Variants in FOCAD observed in about 807,000 individuals in gnomAD.
FOCAD encodes KIAA1797.
Under a neutral mutation model 225.6 loss-of-function variants are expected in FOCAD, and 198 were observed. That is an observed-to-expected ratio of 0.88 (90% CI 0.78 to 0.99). FOCAD has a LOEUF of 0.99. FOCAD is among the 50% of genes least tolerant of loss of function. FOCAD has a pLI of 0.00. For synonymous variants in FOCAD, 897 were observed against 755.0 expected (o/e 1.19, Z -3.08); for missense variants, 2,713 against 2,123.6 (o/e 1.28, Z -5.46).
intron 11 of FOCAD, among the ~76,000 whole-genome samples, chr9:20,795,320 T>C (rs1159422092): frequency 1.3e-5 from 2 of 152,232 alleles, no homozygotes; most frequent in African/African-American, 4.8e-5. Context: ...TTTTAGGAGC[T>C]AGTTCAGGTA....
intron 24 of FOCAD, among the ~76,000 whole-genome samples, chr9:20,920,406 G>A (rs1444415440): frequency 4.0e-5 from 5 of 125,298 alleles, no homozygotes; most frequent in African/African-American, 9.3e-5. Context: ...TCAGTGTGGC[G>A]ATTCCTCAGG....
chr9:20,893,742 G>T (rs1055452811), intron 21 of FOCAD, among the ~76,000 whole-genome samples: 18 of 152,000 alleles, frequency 1.2e-4, no homozygotes, highest in African/African-American at 4.3e-4. Context: ...CAGCAAAATT[G>T]AGAGCAATGT....
intron 11 of FOCAD, among the ~76,000 whole-genome samples, chr9:20,795,387 G>A (rs576007444): frequency 1.3e-5 from 2 of 152,250 alleles, no homozygotes; most frequent in African/African-American, 2.4e-5. Flanking sequence ...AGAAAGGCTC[G>A]TATTGAGTTT....
At chr9:20,898,186 T>G (rs562680679) in intron 21 of FOCAD, among the ~76,000 whole-genome samples, 2 of 151,894 alleles carry the variant, frequency 1.3e-5, no homozygotes, top group Non-Finnish European at 2.9e-5. Context: ...TTTTATGTAG[T>G]TTAAATACAA....
chr9:20,817,361 T>C (rs1456659185), intron 11 of FOCAD, among the ~76,000 whole-genome samples: 1 of 152,086 alleles, frequency 6.6e-6, no homozygotes, highest in Non-Finnish European at 1.5e-5. Flanking sequence ...TCACTGCCTG[T>C]TTCACCCTTC....
intron 1 of FOCAD, among the ~76,000 whole-genome samples, chr9:20,691,640 C>A (rs1822987013): frequency 6.6e-6 from 1 of 150,860 alleles, no homozygotes; most frequent in Non-Finnish European, 1.5e-5. Context: ...CGCCACCATG[C>A]CCAGATAATT....
chr9:20,989,642 G>A (rs1391244641), intron 41 of FOCAD, among the ~76,000 whole-genome samples: 1 of 152,122 alleles, frequency 6.6e-6, no homozygotes, highest in Admixed American at 6.5e-5. Context: ...AACATAGTGA[G>A]ACCCCATTTC....
intron 8 of FOCAD, among the ~76,000 whole-genome samples, chr9:20,770,686 A>G (rs995731735): frequency 6.6e-6 from 1 of 152,222 alleles, no homozygotes; most frequent in Admixed American, 6.5e-5. Context: ...TTATTGTGTC[A>G]GTTATCACTC....
At chr9:20,948,110 A>G (rs760018372) in intron 30 of FOCAD, among the ~76,000 whole-genome samples, 161 bp from the exon 31 acceptor site, 1 of 130,686 alleles carries the variant, frequency 7.7e-6, no homozygotes, top group Non-Finnish European at 1.8e-5. Context: ...AAAAAAAAAC[A>G]AAAAACAAAA....
intron 8 of FOCAD, among the ~76,000 whole-genome samples, chr9:20,775,433 C>T (rs951529031): frequency 6.6e-6 from 1 of 152,172 alleles, no homozygotes; most frequent in Non-Finnish European, 1.5e-5. Flanking sequence ...AACCAACTTT[C>T]TTCACTGTGT....
chr9:20,731,805 C>T (rs761066705), intron 4 of FOCAD, among the ~76,000 whole-genome samples: 8 of 151,978 alleles, frequency 5.3e-5, no homozygotes, highest in African/African-American at 7.2e-5. Flanking sequence ...TTAGTAGAGA[C>T]GGGGTTTCTC....
chr9:20,852,869 G>A (rs1295934177), intron 15 of FOCAD, among the ~76,000 whole-genome samples: 2 of 151,526 alleles, frequency 1.3e-5, no homozygotes, highest in Admixed American at 6.6e-5. Context: ...TTTTGTATCT[G>A]TTGAACAACT....
intron 3 of FOCAD, among the ~76,000 whole-genome samples, chr9:20,718,960 A>G (rs1232296691): frequency 6.6e-6 from 1 of 152,250 alleles, no homozygotes; most frequent in Non-Finnish European, 1.5e-5. Flanking sequence ...GAGAAGTGGA[A>G]TATAAATATT....
At chr9:20,715,988 T>C in intron 2 of FOCAD, 1 of 268,594 alleles carries the variant, frequency 3.7e-6, no homozygotes, top group Admixed American at 3.0e-5. Context: ...AATAGCTTAT[T>C]GTCTTTTCTT....
At chr9:20,818,022 A>G (rs1013824159) in intron 11 of FOCAD, among the ~76,000 whole-genome samples, 33 of 152,242 alleles carry the variant, frequency 2.2e-4, no homozygotes, top group African/African-American at 6.7e-4. Context: ...AAGGGTTCCA[A>G]TTTCTTCACA....
intron 38 of FOCAD, among the ~76,000 whole-genome samples, 188 bp downstream of exon 38, chr9:20,981,874 GT>G (rs1158164132): frequency 3.3e-5 from 5 of 152,170 alleles, no homozygotes; most frequent in African/African-American, 7.2e-5. Context: ...TAGAACCAAA[GT>G]TTTGAGCAAG....
intron 11 of FOCAD, among the ~76,000 whole-genome samples, chr9:20,790,529 T>G (rs1361575056): frequency 6.6e-6 from 1 of 152,312 alleles, no homozygotes. Flanking sequence ...CCCAGCACTT[T>G]GGAAGGCTGA....
intron 4 of FOCAD, among the ~76,000 whole-genome samples, chr9:20,727,280 C>G (rs1826279153): frequency 6.6e-6 from 1 of 152,060 alleles, no homozygotes; most frequent in Admixed American, 6.6e-5. Flanking sequence ...CACATTCTGC[C>G]CTATTTCTTT....
chr9:20,899,464 C>G, intron 21 of FOCAD, among the ~76,000 whole-genome samples: 1 of 151,934 alleles, frequency 6.6e-6, no homozygotes. Context: ...GCCTGTCTGT[C>G]TCTCCAACTT....
Sources: gnomAD v4.1 joint callset for allele counts (sites outside exome capture counted in the v4.1 genomes callset) on GRCh38, gnomAD v4.1.1 for gene constraint, MANE v1.5 for transcripts, NCBI Gene and HGNC (gene_info 2026-07-23, HGNC 2026-07-21) for gene names.